Variants in NTM observed in about 807,000 individuals in gnomAD.
NTM encodes the protein neurotrimin.
A neutral mutation model predicts 42.1 loss-of-function variants in NTM; 13 were observed. The observed-to-expected ratio is 0.31, with a 90% confidence interval of 0.20 to 0.49. The LOEUF is 0.49. Ranked by LOEUF, NTM falls within the 20% of genes least tolerant of loss-of-function variation. The pLI, the probability that NTM is intolerant of heterozygous loss-of-function variation, is 0.99. For synonymous variants in NTM, 187 were observed against 179.2 expected, an observed-to-expected ratio of 1.04 and a Z score of -0.35; for missense variants, 373 against 452.8, an observed-to-expected ratio of 0.82 and a Z score of 1.60.
intron 2 of NTM, among the ~76,000 whole-genome samples, chr11:132,144,375 G>A (rs1266821565): frequency 6.6e-6 from 1 of 152,228 alleles, no homozygotes; most frequent in Non-Finnish European, 1.5e-5. Context: ...TGAGAAACAT[G>A]TGGAGCTGGC....
intron 4 of NTM, 43 bp downstream of exon 4, chr11:132,212,190 G>T (rs1282095347): frequency 6.4e-7 from 1 of 1,566,210 alleles, no homozygotes; most frequent in Admixed American, 1.8e-5. Context: ...GGATAAATGG[G>T]GGAATTTTGG....
At chr11:131,581,020 T>C (rs2058359063) in intron 1 of NTM, among the ~76,000 whole-genome samples, 2 of 152,202 alleles carry the variant, frequency 1.3e-5, no homozygotes, top group East Asian at 1.9e-4. Context: ...TAGGGAATTA[T>C]GAGGCCCTGG....
chr11:132,032,746 T>G lies in NTM; in HGVS notation c.168-113536T>G, dbSNP rs974334620. On this transcript the variant is annotated intron_variant, in intron 2 of 8. Coordinates refer to ENST00000683400, the MANE Select transcript of NTM (RefSeq NM_001352005.2). ...TAAGATATCTGATTCAATCGGTATC[T>G]CCTCTAAGAAGGCTCCTCTGGGTTT... Among the ~76,000 whole-genome samples, 3 of 152,176 alleles carry G rather than the reference T, an allele frequency of 2.0e-5. No homozygotes were observed. In the East Asian group the frequency reaches 5.8e-4, roughly 29 times the overall value.
At chr11:132,165,571 C>G (rs959563532) in intron 3 of NTM, among the ~76,000 whole-genome samples, 1 of 152,158 alleles carries the variant, frequency 6.6e-6, no homozygotes, top group Admixed American at 6.5e-5. Context: ...ATTTAAATCT[C>G]CCAACAATCT....
chr11:132,086,082 T>G (rs906023548), intron 2 of NTM, among the ~76,000 whole-genome samples: 1 of 151,950 alleles, frequency 6.6e-6, no homozygotes, highest in East Asian at 1.9e-4. Context: ...CCCAGCACTT[T>G]GGGAGGCCGA....
chr11:131,584,429 A>T (rs1261082438), intron 1 of NTM, among the ~76,000 whole-genome samples: 3 of 152,154 alleles, frequency 2.0e-5, no homozygotes, highest in Admixed American at 2.0e-4. Flanking sequence ...GGAGGCCATG[A>T]GAGGGGAGTT....
At position 131,471,995 on chromosome 11, in the gene NTM, C is replaced by T. The variant is rs576914796; in HGVS notation, c.82+101107C>T. Among the ~76,000 whole-genome samples, 135 of 152,314 alleles carry T rather than the reference C, an allele frequency of 8.9e-4. 2 individuals are homozygous for T. Among genetic ancestry groups the T allele is most frequent in the African/African-American group, 3.1e-3 (128 of 41,568 alleles). ...GTGCATAATGGCTGTGAATTCCAACCAGCCTCCTGAAACCAAGACGTTTCA... is the reference window on the plus strand; with the variant it reads ...GTGCATAATGGCTGTGAATTCCAACTAGCCTCCTGAAACCAAGACGTTTCA... On this transcript the variant is annotated intron_variant, in intron 1 of 8. Coordinates refer to ENST00000683400, the MANE Select transcript of NTM (RefSeq NM_001352005.2).
chr11:132,307,543 G>A (rs2095132786), intron 4 of NTM, 146 bp from the exon 5 acceptor site: 5 of 1,090,164 alleles, frequency 4.6e-6, no homozygotes, highest in South Asian at 1.6e-5. Flanking sequence ...GACGGAGGAG[G>A]GATAACCCAC....
chr11:132,072,485 C>A (rs750417757), intron 2 of NTM, among the ~76,000 whole-genome samples: 2 of 152,150 alleles, frequency 1.3e-5, no homozygotes, highest in Non-Finnish European at 2.9e-5. Context: ...GTTTTGGGGG[C>A]AGTCTGTGCA....
chr11:132,142,968 C>A (rs531482674), intron 2 of NTM, among the ~76,000 whole-genome samples: 2 of 152,164 alleles, frequency 1.3e-5, no homozygotes, highest in East Asian at 3.9e-4. Flanking sequence ...TTGTGGGCAT[C>A]AAAAATAATT....
chr11:131,680,412 C>G (rs1281843562), intron 1 of NTM, among the ~76,000 whole-genome samples: 1 of 140,772 alleles, frequency 7.1e-6, no homozygotes, highest in African/African-American at 2.6e-5. Flanking sequence ...TCTGTGTAGG[C>G]ATGTGTGCCT....
At chr11:132,071,853 C>A (rs905509609) in intron 2 of NTM, among the ~76,000 whole-genome samples, 3 of 152,090 alleles carry the variant, frequency 2.0e-5, no homozygotes, top group Admixed American at 6.5e-5. Context: ...ACCAGGTCAT[C>A]CATCAGTAGC....
intron 1 of NTM, among the ~76,000 whole-genome samples, chr11:131,676,283 T>A (rs918428360): frequency 3.9e-5 from 6 of 152,196 alleles, no homozygotes; most frequent in Non-Finnish European, 8.8e-5. Flanking sequence ...GAATGAGATG[T>A]TTTCTGTATA....
chr11:131,904,549 T>G (rs6590606), intron 1 of NTM, among the ~76,000 whole-genome samples: 8,723 of 152,198 alleles, frequency 0.057, 819 homozygotes, highest in African/African-American at 0.2. Flanking sequence ...ATCCAGTGAT[T>G]TGTTTAAGAT....
intron 1 of NTM, among the ~76,000 whole-genome samples, chr11:131,872,002 A>T (rs746235405): frequency 1.3e-5 from 2 of 152,172 alleles, no homozygotes; most frequent in South Asian, 2.1e-4. Flanking sequence ...CTGTGTACAC[A>T]TGTCTTCATG....
At chr11:132,280,217 T>G (rs1047267297) in intron 4 of NTM, among the ~76,000 whole-genome samples, 2 of 152,216 alleles carry the variant, frequency 1.3e-5, no homozygotes, top group Admixed American at 6.5e-5. Context: ...TTTACTAGTT[T>G]GCCTAATGCC....
intron 1 of NTM, among the ~76,000 whole-genome samples, chr11:131,405,322 G>C (rs1316675387): frequency 6.6e-6 from 1 of 152,174 alleles, no homozygotes; most frequent in Non-Finnish European, 1.5e-5. Context: ...GATGCAATAT[G>C]TGTTTCAAAT....
rs550361813 is a variant in NTM at position 132,053,958 on chromosome 11, G to A, written c.168-92324G>A. ...TCGCTGGGTGCGGTGGCTGACAACT[G>A]TAATCCCGGCACTTTGGGAGGCCAG... On this transcript the variant is annotated intron_variant, in intron 2 of 8. Transcript: ENST00000683400. 2.6e-5 allele frequency among the ~76,000 whole-genome samples: 4 copies of A among 152,354 alleles called. No individual in the cohort carries two copies. In the South Asian group the frequency reaches 8.3e-4, roughly 32 times the overall value.
At chr11:131,672,798 G>C (rs1034238630) in intron 1 of NTM, among the ~76,000 whole-genome samples, 3 of 151,464 alleles carry the variant, frequency 2.0e-5, no homozygotes, top group East Asian at 2.0e-4. Flanking sequence ...CAAAAGAAAG[G>C]CTTTGCGATA....
Sources: allele counts gnomAD v4.1 joint callset (sites outside exome capture counted in the v4.1 genomes callset), GRCh38; gene constraint gnomAD v4.1.1; transcripts MANE v1.5; gene names NCBI Gene and HGNC (gene_info 2026-07-23, HGNC 2026-07-21).